Variants in PARD3B observed in about 807,000 individuals in gnomAD.
PARD3B encodes the protein par-3 family cell polarity regulator beta.
PARD3B carries 103 observed loss-of-function variants against 130.2 expected under a neutral mutation model. The ratio of observed to expected loss-of-function variants is 0.79; its 90% CI spans 0.67 to 0.93. PARD3B has a LOEUF of 0.93. PARD3B is among the 40% of genes least tolerant of loss of function. PARD3B has a pLI of 0.00. For missense variants in PARD3B, 1,609 were observed against 1,499.2 expected, an observed-to-expected ratio of 1.07 and a Z score of -1.21; for synonymous variants, 583 against 553.2, an observed-to-expected ratio of 1.05 and a Z score of -0.76.
chr2:205,233,446 T>C, intron 15 of PARD3B, among the ~76,000 whole-genome samples: 1 of 152,122 alleles, frequency 6.6e-6, no homozygotes, highest in East Asian at 1.9e-4. Context: ...TATAATTACT[T>C]GGATGAATGT....
chr2:204,726,857 GT>G (rs2039253592), intron 2 of PARD3B, among the ~76,000 whole-genome samples: 1 of 152,134 alleles, frequency 6.6e-6, no homozygotes, highest in African/African-American at 2.4e-5. Context: ...TGAAGGCTCT[GT>G]TTTCTTAAAA....
intron 1 of PARD3B, among the ~76,000 whole-genome samples, chr2:204,666,991 C>G (rs1286405806): frequency 6.6e-6 from 1 of 152,096 alleles, no homozygotes; most frequent in Non-Finnish European, 1.5e-5. Context: ...ACAAAGGAAA[C>G]TGAGAACTGG....
intron 2 of PARD3B, among the ~76,000 whole-genome samples, chr2:204,761,566 T>A (rs948581241): frequency 1.0e-4 from 15 of 150,254 alleles, no homozygotes; most frequent in Admixed American, 2.0e-4. Context: ...TTTTTTTAAA[T>A]AAGGGGAGCT....
At chr2:204,844,032 C>T (rs936013374) in intron 2 of PARD3B, among the ~76,000 whole-genome samples, 2 of 152,032 alleles carry the variant, frequency 1.3e-5, no homozygotes, top group East Asian at 1.9e-4. Flanking sequence ...ATGGATTTAG[C>T]AAATTAACAG....
chr2:205,076,413 A>G lies in PARD3B; in HGVS notation c.505-28013A>G, dbSNP rs549982133. ...GAGGAGACTGCAGATTGAGTTCCAT[A>G]TCATTTCAATAAATGTTATCTTAAA... is the stretch of plus-strand genomic sequence containing the variant. On this transcript the variant is annotated intron_variant, in intron 4 of 22. Coordinates refer to ENST00000406610, the MANE Select transcript of PARD3B (RefSeq NM_001302769.2). 9.8e-5 allele frequency among the ~76,000 whole-genome samples: 15 copies of G among 152,312 alleles called. No homozygotes were observed. The Middle Eastern group carries it at 0.017, about 173-fold the overall frequency.
chr2:204,563,359 C>CTT (rs1321022729), intron 1 of PARD3B, among the ~76,000 whole-genome samples: 1 of 147,492 alleles, frequency 6.8e-6, no homozygotes, highest in Admixed American at 6.7e-5. Context: ...TGTAAAGACT[C>CTT]TGTTTCTAAA....
intron 2 of PARD3B, among the ~76,000 whole-genome samples, chr2:204,846,907 GTAGATGAAAGGAGA>G (rs1415047929): frequency 1.3e-5 from 2 of 151,910 alleles, no homozygotes; most frequent in African/African-American, 2.4e-5. Flanking sequence ...TCCTCTGACT[GTAGATGAAAGGAGA>G]TAATTAGAGT....
At position 205,287,921 on chromosome 2, in the gene PARD3B, T is replaced by G. The variant is rs534070179; in HGVS notation, c.2186-12609T>G. Among the ~76,000 whole-genome samples, 2 of 152,250 alleles carry G rather than the reference T, an allele frequency of 1.3e-5. No individual in the cohort carries two copies. Among genetic ancestry groups the G allele is most frequent in the Admixed American group, 1.3e-4 (2 of 15,306 alleles). On this transcript the variant is annotated intron_variant, in intron 16 of 22. Transcript: ENST00000406610. The surrounding 1 kb of genome is among the most constrained non-coding windows in gnomAD (Gnocchi z 4.8). ...TGGAAGTATCACCTTCTTGTAACCT[T>G]GTTTCCCGCTGGCAAAGATTCCTCA...
At chr2:204,565,698 T>C (rs2031631970) in intron 1 of PARD3B, among the ~76,000 whole-genome samples, 1 of 152,200 alleles carries the variant, frequency 6.6e-6, no homozygotes, top group Non-Finnish European at 1.5e-5. Context: ...GTGTACATCA[T>C]TCATTCTCAA....
At chr2:204,948,173 G>T (rs1009941993) in intron 2 of PARD3B, among the ~76,000 whole-genome samples, 1 of 152,092 alleles carries the variant, frequency 6.6e-6, no homozygotes. Flanking sequence ...ATTAATGTGA[G>T]ACAGCCTCTG....
chr2:205,054,424 ATATATATATATATTTTTTTTTTTTTT>A (rs1699470293), intron 4 of PARD3B, among the ~76,000 whole-genome samples: 3 of 21,458 alleles, frequency 1.4e-4, no homozygotes, highest in Non-Finnish European at 3.2e-4. Flanking sequence ...ATATATATAT[ATATATATATATATTTTTTTTTTTTTT>A]TTTTTTTAAT....
At chr2:205,582,290 G>A (rs936249882) in intron 22 of PARD3B, among the ~76,000 whole-genome samples, 4 of 152,132 alleles carry the variant, frequency 2.6e-5, no homozygotes, top group Non-Finnish European at 5.9e-5. Flanking sequence ...AATTCCTATC[G>A]TCTTGCCTTT....
intron 2 of PARD3B, among the ~76,000 whole-genome samples, chr2:204,920,066 G>A (rs1211864255): frequency 1.3e-5 from 2 of 152,060 alleles, no homozygotes; most frequent in Non-Finnish European, 2.9e-5. Flanking sequence ...CATGCATAAT[G>A]GATGGAAATG....
At chr2:204,601,235 G>T (rs2033498842) in intron 1 of PARD3B, among the ~76,000 whole-genome samples, 2 of 151,866 alleles carry the variant, frequency 1.3e-5, no homozygotes, top group African/African-American at 4.8e-5. Context: ...AGTTGGAGAG[G>T]TTAATATGGT....
rs543224423 is a variant in PARD3B, at chr2:205,404,698, A to G, written c.2741+3575A>G. Among the ~76,000 whole-genome samples, 7 of 151,834 alleles carry G rather than the reference A, an allele frequency of 4.6e-5. No homozygotes were observed. The East Asian group carries it at 1.4e-3, about 29-fold the overall frequency. ...TTTCTTTCCTTTAAAAAAAAAATGGAGACAAGGTCTCGCGCTACGTTGTAC... is the reference window on the plus strand; with the variant it reads ...TTTCTTTCCTTTAAAAAAAAAATGGGGACAAGGTCTCGCGCTACGTTGTAC... On this transcript the variant is annotated intron_variant, in intron 19 of 22. Transcript: ENST00000406610.
At chr2:205,145,313 C>T (rs1435899927) in intron 10 of PARD3B, among the ~76,000 whole-genome samples, 1 of 143,032 alleles carries the variant, frequency 7.0e-6, no homozygotes, top group South Asian at 2.3e-4. Flanking sequence ...CCAATCCAAC[C>T]CTCCGCCGCC....
chr2:204,791,137 CT>C (rs1206895377), intron 2 of PARD3B, among the ~76,000 whole-genome samples: 1 of 151,238 alleles, frequency 6.6e-6, no homozygotes, highest in Non-Finnish European at 1.5e-5. Context: ...AAAAAAATGC[CT>C]CTTCATGTTA....
chr2:205,164,078 A>G (rs1316840802), intron 11 of PARD3B, among the ~76,000 whole-genome samples: 2 of 152,220 alleles, frequency 1.3e-5, no homozygotes, highest in Non-Finnish European at 2.9e-5. Context: ...AGGACTTTAA[A>G]AGCAGGAACT....
At chr2:205,137,450 G>A (rs182840942) in intron 10 of PARD3B, among the ~76,000 whole-genome samples, 402 of 152,222 alleles carry the variant, frequency 2.6e-3, no homozygotes, top group Middle Eastern at 6.8e-3. Context: ...ATTTAAAGTC[G>A]GTAACAAGAC....
Sources: allele counts gnomAD v4.1 joint callset (sites outside exome capture counted in the v4.1 genomes callset), GRCh38; gene constraint gnomAD v4.1.1; non-coding constraint Gnocchi (gnomAD v3.1); transcripts MANE v1.5; gene names NCBI Gene and HGNC (gene_info 2026-07-23, HGNC 2026-07-21).